Variants in KLF7 observed in about 807,000 individuals in gnomAD.
KLF7 encodes KLF transcription factor 7.
Under a neutral mutation model 27.3 loss-of-function variants are expected in KLF7, and 2 were observed. The observed-to-expected ratio is 0.07, with a 90% CI of 0.03 to 0.23. KLF7 has a LOEUF of 0.23. Ranked by LOEUF, KLF7 falls within the 10% of genes least tolerant of loss-of-function variation. KLF7 has a pLI of 1.00. For synonymous variants in KLF7, 165 were observed against 162.4 expected, an observed-to-expected ratio of 1.02 and a Z score of -0.12; for missense variants, 221 against 394.1, an observed-to-expected ratio of 0.56 and a Z score of 3.72.
intron 1 of KLF7, among the ~76,000 whole-genome samples, chr2:207,151,176 G>A (rs1027459386): frequency 6.6e-6 from 1 of 152,072 alleles, no homozygotes; most frequent in Admixed American, 6.6e-5. Flanking sequence ...GCCTCCCGAG[G>A]TAATTCTGTG....
intron 2 of KLF7, among the ~76,000 whole-genome samples, chr2:207,109,148 T>C (rs752994169): frequency 3.3e-5 from 5 of 152,230 alleles, no homozygotes; most frequent in Admixed American, 6.5e-5. Context: ...ATCAATACCT[T>C]GCGTTTGTTT....
intron 1 of KLF7, 143 bp from the exon 2 acceptor site, chr2:207,124,547 C>T (rs986632172): frequency 1.7e-5 from 13 of 751,630 alleles, no homozygotes; most frequent in Non-Finnish European, 6.4e-6. Context: ...AAGGTCTGAC[C>T]TTGTTATTTA....
intron 2 of KLF7, among the ~76,000 whole-genome samples, chr2:207,095,099 G>A (rs1197826577): frequency 7.8e-6 from 1 of 128,880 alleles, no homozygotes; most frequent in African/African-American, 2.9e-5. Context: ...GGAGTGCAGT[G>A]GCGCGATCTC....
rs189098832 is a variant in KLF7, at chr2:207,076,193, C to A, written c.*5020G>T. 1 of 152,192 alleles carries A rather than the reference C, an allele frequency of 6.6e-6. No individual in the cohort carries two copies. Among genetic ancestry groups the A allele is most frequent in the East Asian group, 1.9e-4 (1 of 5,170 alleles). The allele number at this position is 152,192 out of a possible 1,614,324, so 9.4% of individuals were successfully genotyped here. On this transcript the variant is annotated 3_prime_UTR_variant, in exon 4 of 4. Coordinates refer to ENST00000309446, the MANE Select transcript of KLF7 (RefSeq NM_003709.4). The stretch of plus-strand genomic sequence containing the variant: ...CACCCTCATTATGCTGACGTGGGGT[C>A]CATCTTATGGCAGTAGACAGAAGCT...
chr2:207,167,097 G>A, upstream of KLF7: 1 of 1,399,980 alleles, frequency 7.1e-7, no homozygotes, highest in Non-Finnish European at 9.3e-7. Context: ...GCGCAAGCTG[G>A]AGCCGGCAGC....
At chr2:207,087,470 G>C (rs961886159) in intron 3 of KLF7, among the ~76,000 whole-genome samples, 2 of 152,120 alleles carry the variant, frequency 1.3e-5, no homozygotes, top group Non-Finnish European at 2.9e-5. Flanking sequence ...GGGACTGGGG[G>C]AGACAGGATG....
chr2:207,110,967 G>A (rs1213909964), intron 2 of KLF7, among the ~76,000 whole-genome samples: 1 of 152,146 alleles, frequency 6.6e-6, no homozygotes, highest in Non-Finnish European at 1.5e-5. Context: ...ATCCTTTGCT[G>A]TGGAAGTTGT....
upstream of KLF7, among the ~76,000 whole-genome samples, chr2:207,167,743 G>T (rs963470853): frequency 5.9e-5 from 9 of 152,326 alleles, no homozygotes; most frequent in East Asian, 1.7e-3. Context: ...ACGACTTTGA[G>T]CGAATTACTG....
intron 3 of KLF7, 103 bp downstream of exon 3, chr2:207,088,355 G>A: frequency 4.4e-6 from 6 of 1,357,768 alleles, no homozygotes; most frequent in Non-Finnish European, 6.0e-6. Flanking sequence ...CCAAGTGTCT[G>A]TGAGTCAGAC....
rs950693489 is a variant in KLF7 at position 207,075,674 on chromosome 2, G to C, written c.*5539C>G. The C allele has an allele frequency of 5.3e-5, 8 of 152,112 alleles. No homozygotes were observed. Among genetic ancestry groups the C allele is most frequent in the Non-Finnish European group, 7.4e-5 (5 of 68,022 alleles). 9.4% of individuals were successfully genotyped at this position (152,112 alleles called of 1,614,324 possible). A position where few individuals can be genotyped will look rare whatever the true frequency, so the allele number is the denominator to read the frequency against. On this transcript the variant is annotated 3_prime_UTR_variant, in exon 4 of 4. Transcript: ENST00000309446. Reference sequence around the variant, plus strand: ...GGAAGTGGGAGAAGGAGCTTGACGCGGGGGCGGGTGGGGGCTTGTGGAAAG... The same window carrying C: ...GGAAGTGGGAGAAGGAGCTTGACGCCGGGGCGGGTGGGGGCTTGTGGAAAG...
chr2:207,163,758 C>T (rs1166721769), intron 1 of KLF7, among the ~76,000 whole-genome samples: 2 of 152,206 alleles, frequency 1.3e-5, no homozygotes, highest in African/African-American at 4.8e-5. Context: ...CCTTCTCTAA[C>T]CTGTCTAGAC....
chr2:207,118,762 C>A (rs2077257829), intron 2 of KLF7, among the ~76,000 whole-genome samples: 1 of 152,194 alleles, frequency 6.6e-6, no homozygotes, highest in Admixed American at 6.5e-5. Context: ...ATGTCTGGGA[C>A]ATAGCAAGTG....
chr2:207,123,181 G>A (rs1169203034), intron 2 of KLF7, among the ~76,000 whole-genome samples: 1 of 151,884 alleles, frequency 6.6e-6, no homozygotes, highest in Non-Finnish European at 1.5e-5. Flanking sequence ...CAACTTCTCA[G>A]TAACAAGCTC....
intron 1 of KLF7, chr2:207,134,153 G>GTTT (rs780914126): frequency 9.9e-5 from 129 of 1,296,926 alleles, no homozygotes; most frequent in Non-Finnish European, 1.1e-4. Flanking sequence ...GGGCTACTGG[G>GTTT]ATTTTTTTTT....
chr2:207,157,100 C>T (rs2078403624), intron 1 of KLF7, among the ~76,000 whole-genome samples: 1 of 151,500 alleles, frequency 6.6e-6, no homozygotes, highest in Non-Finnish European at 1.5e-5. Context: ...CGAGTGCCCA[C>T]AGTGTGCAAA....
intron 1 of KLF7, among the ~76,000 whole-genome samples, chr2:207,143,993 G>C (rs1055107774): frequency 2.6e-5 from 4 of 152,080 alleles, no homozygotes; most frequent in African/African-American, 9.7e-5. Context: ...TCTCTGCCTT[G>C]GTGGAGAGAG....
At chr2:207,089,621 A>C (rs975828991) in intron 2 of KLF7, among the ~76,000 whole-genome samples, 5 of 152,214 alleles carry the variant, frequency 3.3e-5, no homozygotes, top group Non-Finnish European at 7.3e-5. Context: ...TATGTGGTTA[A>C]GAGCTTTGAA....
intron 2 of KLF7, among the ~76,000 whole-genome samples, chr2:207,105,183 GCAAAGCAA>G (rs2076853608): frequency 6.6e-6 from 1 of 152,168 alleles, no homozygotes; most frequent in Non-Finnish European, 1.5e-5. Flanking sequence ...AAGGCCAACA[GCAAAGCAA>G]GGATTTCATT....
intron 3 of KLF7, among the ~76,000 whole-genome samples, chr2:207,083,055 C>G (rs183728538): frequency 3.5e-4 from 53 of 152,346 alleles, no homozygotes; most frequent in Admixed American, 5.9e-4. Context: ...ATTATACCCA[C>G]TTACTTCCAG....
Sources: gnomAD v4.1 joint callset for allele counts (sites outside exome capture counted in the v4.1 genomes callset) on GRCh38, gnomAD v4.1.1 for gene constraint, MANE v1.5 for transcripts, NCBI Gene and HGNC (gene_info 2026-07-23, HGNC 2026-07-21) for gene names.